The following ADAMTS16 variants were observed in gnomAD, a reference collection of about 807,000 sequenced individuals.
ADAMTS16 encodes A disintegrin and metalloproteinase with thrombospondin motifs 16.
A neutral mutation model predicts 145.8 loss-of-function variants in ADAMTS16; 94 were observed. That is an observed-to-expected ratio of 0.64 (90% CI 0.55 to 0.77). The LOEUF is 0.77. Ranked by LOEUF, ADAMTS16 falls within the 30% of genes least tolerant of loss-of-function variation. ADAMTS16 has a pLI of 0.00. For synonymous variants in ADAMTS16, 659 were observed against 604.3 expected, an observed-to-expected ratio of 1.09 and a Z score of -1.33; for missense variants, 1,585 against 1,591.5, an observed-to-expected ratio of 1.00 and a Z score of 0.07.
At chr5:5,195,934 A>C (rs1286940221) in intron 8 of ADAMTS16, among the ~76,000 whole-genome samples, 1 of 152,178 alleles carries the variant, frequency 6.6e-6, no homozygotes, top group Admixed American at 6.5e-5. Flanking sequence ...GTCTTAAAAG[A>C]AGCAGCATTG....
Position 5,262,711 on chromosome 5 carries a change from T to G in ADAMTS16, c.2717T>G (p.Met906Arg). 6.2e-7 allele frequency: 1 copy of G among 1,614,226 alleles called. No homozygotes were observed. The change falls in exon 18 of 23, where the codon ATG (methionine) becomes AGG (arginine). Residue 906 changes from methionine to arginine, a missense_variant. Physicochemically the swap from Met to Arg is moderately conservative, Grantham distance 91 (BLOSUM62 -1). Around this residue, in one of 3 missense-constraint regions of ADAMTS16, gnomAD observed 834 missense variants for 811.7 expected, o/e 1.03. Transcript: ENST00000274181. ...AGAGACCTGAAGTTTCAAGTAAATA[T>G]GTCCTTCTGCAATCCCAAGACACGA... Reference protein sequence around the residue: ...CYRDLKFQVNMSFCNPKTRPV... With the variant: ...CYRDLKFQVNRSFCNPKTRPV...
intron 10 of ADAMTS16, among the ~76,000 whole-genome samples, chr5:5,221,012 G>A (rs1405048642): frequency 1.3e-5 from 2 of 152,078 alleles, no homozygotes; most frequent in East Asian, 3.9e-4. Flanking sequence ...CGGTCCAGGA[G>A]GCCTCTGTGA....
At chr5:5,177,082 G>A (rs1007810013) in intron 3 of ADAMTS16, among the ~76,000 whole-genome samples, 7 of 152,092 alleles carry the variant, frequency 4.6e-5, no homozygotes, top group African/African-American at 1.7e-4. Flanking sequence ...TCCTCCTCAT[G>A]CACAAACAAC....
intron 3 of ADAMTS16, among the ~76,000 whole-genome samples, chr5:5,181,721 G>A (rs961469460): frequency 5.3e-5 from 8 of 152,100 alleles, no homozygotes; most frequent in Non-Finnish European, 1.0e-4. Context: ...TTCTTGCACC[G>A]TCATTACTTT....
intron 17 of ADAMTS16, among the ~76,000 whole-genome samples, chr5:5,261,343 G>T (rs1306882973): frequency 1.3e-5 from 2 of 152,036 alleles, no homozygotes; most frequent in Admixed American, 6.6e-5. Context: ...TCGCCACATT[G>T]CCCAGGCTGG....
chr5:5,200,224 T>C lies in ADAMTS16; in HGVS notation c.1406T>C (p.Phe469Ser). 6.2e-7 allele frequency: 1 copy of C among 1,614,104 alleles called. No individual in the cohort carries two copies. The highest frequency in any genetic ancestry group is 2.2e-5 in the East Asian group (1 of 44,872). ...ACATTGGCAGGACGCAATGGAGTCT[T>C]CTCCTGGTCACCCTGCAGCCGCCAG... ...SPTLAGRNGVFSWSPCSRQYL... is the reference protein window; with the variant it reads ...SPTLAGRNGVSSWSPCSRQYL... The change falls in exon 9 of 23, where the codon TTC becomes TCC. Residue 469 changes from phenylalanine (F) to serine (S), a missense_variant. Phe to Ser is a radical substitution (Grantham distance 155). Around this residue, in one of 3 missense-constraint regions of ADAMTS16, gnomAD observed 298 missense variants for 367.6 expected, o/e 0.81. Transcript: ENST00000274181.
intron 3 of ADAMTS16, among the ~76,000 whole-genome samples, chr5:5,174,303 G>T (rs1416958732): frequency 1.3e-5 from 2 of 152,092 alleles, no homozygotes; most frequent in Non-Finnish European, 2.9e-5. Flanking sequence ...TTTCCACTGA[G>T]AAGTCTGCTG....
intron 10 of ADAMTS16, among the ~76,000 whole-genome samples, chr5:5,220,735 G>C (rs79178694): frequency 3.3e-5 from 5 of 152,000 alleles, no homozygotes; most frequent in Non-Finnish European, 2.9e-5. Flanking sequence ...ACGATTAGAC[G>C]TTGCTGTCCT....
intron 17 of ADAMTS16, among the ~76,000 whole-genome samples, chr5:5,242,663 G>T (rs899186299): frequency 1.6e-4 from 24 of 152,064 alleles, no homozygotes. Context: ...GAAAATAAAA[G>T]AATATTTTGA....
In ADAMTS16 at chr5:5,303,098, G is replaced by A. The variant is rs74874795; in HGVS notation, c.2790-170G>A. Among the ~76,000 whole-genome samples the A allele has an allele frequency of 8.0e-3, 1,216 of 152,236 alleles. 18 individuals carry two copies. Among genetic ancestry groups the A allele is most frequent in the African/African-American group, 0.027 (1,125 of 41,532 alleles). On this transcript the variant is annotated intron_variant, in intron 18 of 22. Transcript: ENST00000274181. ...ATCAGGGAGGTGAGAAACAGCAGGC[G>A]CAGGGAGACTCCGGTAGGAATGCTC...
chr5:5,187,723 A>G lies in ADAMTS16; in HGVS notation c.964-2A>G, dbSNP rs1190677613. On this transcript the variant is annotated splice_acceptor_variant, in intron 5 of 22. Transcript: ENST00000274181. LOFTEE classifies it high-confidence loss of function. The stretch of plus-strand genomic sequence containing the variant: ...CTGACATGGATTTCCTGTCTTTTTC[A>G]GGTATCTGCTTTATTCAAAGATGGA... The G allele has an allele frequency of 6.2e-7, 1 of 1,605,932 alleles. No homozygotes were observed.
At chr5:5,266,456 C>T (rs1400450595) in intron 18 of ADAMTS16, among the ~76,000 whole-genome samples, 1 of 152,254 alleles carries the variant, frequency 6.6e-6, no homozygotes, top group African/African-American at 2.4e-5. Flanking sequence ...TAAGTCCTTT[C>T]CCTAGGACGG....
chr5:5,253,645 C>T (rs1211105682), intron 17 of ADAMTS16, among the ~76,000 whole-genome samples: 2 of 152,142 alleles, frequency 1.3e-5, no homozygotes, highest in African/African-American at 2.4e-5. Context: ...TTCCTGCTTG[C>T]GTTCCCACCC....
intron 9 of ADAMTS16, among the ~76,000 whole-genome samples, chr5:5,205,368 A>G (rs796213430): frequency 5.3e-5 from 8 of 151,992 alleles, no homozygotes; most frequent in African/African-American, 1.9e-4. Flanking sequence ...GTTCTTCCAC[A>G]TGATCTCCTA....
intron 18 of ADAMTS16, among the ~76,000 whole-genome samples, chr5:5,287,114 T>C (rs1054527040): frequency 7.2e-5 from 11 of 152,128 alleles, no homozygotes; most frequent in Non-Finnish European, 1.5e-4. Context: ...CTGATTAATC[T>C]TCTCAAAGTG....
chr5:5,285,148 T>G (rs1739058862), intron 18 of ADAMTS16, among the ~76,000 whole-genome samples: 1 of 152,218 alleles, frequency 6.6e-6, no homozygotes, highest in Non-Finnish European at 1.5e-5. Flanking sequence ...GAGATGTGTT[T>G]TTTTAAAAAA....
chr5:5,202,596 G>A (rs1236824747), intron 9 of ADAMTS16, among the ~76,000 whole-genome samples: 2 of 152,142 alleles, frequency 1.3e-5, no homozygotes, highest in African/African-American at 4.8e-5. Context: ...AGATTATTCA[G>A]TTTAGGCTCA....
At chr5:5,206,425 C>CAAAAAAAAA (rs1173829992) in intron 9 of ADAMTS16, among the ~76,000 whole-genome samples, 1,383 of 39,374 alleles carry the variant, frequency 0.035, 112 homozygotes, top group East Asian at 0.042. Flanking sequence ...GACTCCGTCT[C>CAAAAAAAAA]AAAAAAAAAA....
chr5:5,261,615 A>C (rs944176066), intron 17 of ADAMTS16, among the ~76,000 whole-genome samples: 2 of 151,450 alleles, frequency 1.3e-5, no homozygotes, highest in Admixed American at 1.3e-4. Context: ...GCCTCCTGAT[A>C]GCTGGGAATA....
Sources: gnomAD v4.1 joint callset for allele counts (sites outside exome capture counted in the v4.1 genomes callset) on GRCh38, gnomAD v4.1.1 for gene constraint, gnomAD v4.1.1 regional missense constraint, MANE v1.5 for transcripts, NCBI Gene and HGNC (gene_info 2026-07-23, HGNC 2026-07-21) for gene names.